The following PCDH15 variants were observed in gnomAD, a reference collection of about 807,000 sequenced individuals.
The protein encoded by PCDH15 is protocadherin related 15.
PCDH15 carries 129 observed loss-of-function variants against 178.5 expected under a neutral mutation model. The observed-to-expected ratio is 0.72, with a 90% CI of 0.63 to 0.84. The LOEUF (loss-of-function observed/expected upper bound fraction) is 0.84. Among genes scored for constraint, PCDH15 ranks in the 40% least tolerant of loss-of-function variants. The pLI, the probability that PCDH15 is intolerant of heterozygous loss-of-function variation, is 0.00. For synonymous variants in PCDH15, 800 were observed against 732.0 expected (o/e 1.09, Z -1.50); for missense variants, 2,230 against 2,099.9 (o/e 1.06, Z -1.21).
At chr10:54,178,859 C>A (rs1050633806) in intron 13 of PCDH15, among the ~76,000 whole-genome samples, 3 of 152,058 alleles carry the variant, frequency 2.0e-5, no homozygotes, top group Non-Finnish European at 4.4e-5. Context: ...AAATCAAAAC[C>A]ACAATGAGAT....
intron 2 of PCDH15, among the ~76,000 whole-genome samples, chr10:55,091,753 A>T (rs183292837): frequency 5.9e-4 from 89 of 152,054 alleles, no homozygotes; most frequent in Non-Finnish European, 1.1e-3. Context: ...ACCAGCCAAC[A>T]CAAAATGTAA....
At chr10:53,808,848 A>T (rs773006655) in intron 37 of PCDH15, 1 of 1,608,780 alleles carries the variant, frequency 6.2e-7, no homozygotes, top group East Asian at 2.2e-5. Flanking sequence ...ATTCCTCCTC[A>T]CTTTCCACAC....
intron 1 of PCDH15, among the ~76,000 whole-genome samples, chr10:54,680,586 T>G (rs1357918638): frequency 1.3e-5 from 2 of 152,156 alleles, no homozygotes; most frequent in Non-Finnish European, 2.9e-5. Flanking sequence ...TGAATTGTAA[T>G]AATCCCCATG....
At chr10:54,382,948 T>A (rs1293362190) in intron 3 of PCDH15, among the ~76,000 whole-genome samples, 1 of 152,154 alleles carries the variant, frequency 6.6e-6, no homozygotes, top group Non-Finnish European at 1.5e-5. Context: ...GGCCGCACAC[T>A]ATTAACTAAC....
At chr10:54,239,414 A>AATATT (rs941873642) in intron 8 of PCDH15, among the ~76,000 whole-genome samples, 1 of 138,164 alleles carries the variant, frequency 7.2e-6, no homozygotes, top group African/African-American at 3.1e-5. Context: ...CCTGTGATTA[A>AATATT]ATATATATAT....
chr10:54,832,940 CT>C (rs945638304), intron 3 of PCDH15, among the ~76,000 whole-genome samples: 2 of 151,990 alleles, frequency 1.3e-5, no homozygotes, highest in African/African-American at 4.8e-5. Context: ...GAAACTAAGA[CT>C]TTTTTGCAAG....
intron 6 of PCDH15, among the ~76,000 whole-genome samples, chr10:54,332,937 G>T (rs992733675): frequency 4.6e-5 from 7 of 151,732 alleles, no homozygotes; most frequent in East Asian, 1.9e-4. Flanking sequence ...TTATATGTAT[G>T]TATTTATTTA....
rs574980509 is a variant in PCDH15 at position 54,286,167 on chromosome 10, G to A, written c.876+31104C>T. ...TGATTATGGTAAAAAGTATTGTATT[G>A]TATGTTTCAAAATACTTAGAAGAAA... On this transcript the variant is annotated intron_variant, in intron 8 of 37. Coordinates refer to ENST00000644397, the MANE Select transcript of PCDH15 (RefSeq NM_001384140.1). Among the ~76,000 whole-genome samples, 6 of 152,252 alleles carry A rather than the reference G, an allele frequency of 3.9e-5. No homozygotes were observed. The South Asian group carries it at 1.2e-3, about 32-fold the overall frequency.
chr10:54,067,517 T>C (rs2094159087), intron 17 of PCDH15, among the ~76,000 whole-genome samples: 1 of 152,146 alleles, frequency 6.6e-6, no homozygotes, highest in African/African-American at 2.4e-5. Context: ...GTTAAATCCC[T>C]GGCCTGCTGC....
At position 54,430,467 on chromosome 10, in the gene PCDH15, T is replaced by C. The variant is rs73251869; in HGVS notation, c.158-51525A>G. 8.0e-3 allele frequency among the ~76,000 whole-genome samples: 1,224 copies of C among 152,200 alleles called. 17 individuals are homozygous for C. Among genetic ancestry groups the C allele is most frequent in the African/African-American group, 0.028 (1,155 of 41,536 alleles). On this transcript the variant is annotated intron_variant, in intron 3 of 37. Coordinates refer to ENST00000644397, the MANE Select transcript of PCDH15 (RefSeq NM_001384140.1). ...AAAAATTGAAATATCAAGCATCTTA[T>C]CTAACCACAATGGAATAAAACTAGA...
At chr10:54,819,669 A>G (rs1953005310) in intron 3 of PCDH15, among the ~76,000 whole-genome samples, 1 of 152,040 alleles carries the variant, frequency 6.6e-6, no homozygotes, top group Non-Finnish European at 1.5e-5. Context: ...AATATGTAAT[A>G]AAAGGAGACT....
At chr10:54,188,780 G>A (rs2133848695) in intron 11 of PCDH15, among the ~76,000 whole-genome samples, 1 of 151,826 alleles carries the variant, frequency 6.6e-6, no homozygotes, top group African/African-American at 2.4e-5. Flanking sequence ...AATAAATATA[G>A]GATATCACAA....
intron 2 of PCDH15, among the ~76,000 whole-genome samples, chr10:54,897,756 T>C (rs936189212): frequency 6.6e-6 from 1 of 152,202 alleles, no homozygotes; most frequent in Non-Finnish European, 1.5e-5. Context: ...TAAGTGCTTT[T>C]AGATTCAGAT....
intron 3 of PCDH15, among the ~76,000 whole-genome samples, chr10:54,438,243 G>C (rs1242647250): frequency 1.4e-5 from 2 of 146,506 alleles, no homozygotes; most frequent in African/African-American, 5.0e-5. Context: ...ATCATAGCAG[G>C]AAGAATTAAA....
intron 2 of PCDH15, among the ~76,000 whole-genome samples, chr10:55,155,660 T>C (rs1838864318): frequency 6.6e-6 from 1 of 152,080 alleles, no homozygotes; most frequent in African/African-American, 2.4e-5. Flanking sequence ...CAACCATCCT[T>C]TGATATAAAC....
chr10:54,124,694 C>T (rs1590636836), intron 15 of PCDH15, among the ~76,000 whole-genome samples: 1 of 152,176 alleles, frequency 6.6e-6, no homozygotes. Flanking sequence ...GATTCACGCA[C>T]ACTGTACCTG....
chr10:54,634,643 G>GAA (rs1474716462), intron 2 of PCDH15, among the ~76,000 whole-genome samples: 1 of 151,916 alleles, frequency 6.6e-6, no homozygotes, highest in Non-Finnish European at 1.5e-5. Context: ...AAGAGACTGA[G>GAA]AAAAAAATTA....
chr10:54,937,389 A>ATAGATCAATTAAGAGATATAT (rs1837934888), intron 2 of PCDH15, among the ~76,000 whole-genome samples: 1 of 152,066 alleles, frequency 6.6e-6, no homozygotes, highest in Admixed American at 6.5e-5. Context: ...CACTGAAATC[A>ATAGATCAATTAAGAGATATAT]TAGATCAATT....
chr10:53,839,636 C>A (rs940579927), intron 29 of PCDH15, among the ~76,000 whole-genome samples: 4 of 151,348 alleles, frequency 2.6e-5, no homozygotes, highest in Non-Finnish European at 4.4e-5. Flanking sequence ...CCCAGTTGGA[C>A]ACTAGGTGTC....
Sources: gnomAD v4.1 joint callset for allele counts (sites outside exome capture counted in the v4.1 genomes callset) on GRCh38, gnomAD v4.1.1 for gene constraint, MANE v1.5 for transcripts, NCBI Gene and HGNC (gene_info 2026-07-23, HGNC 2026-07-21) for gene names.